The following MYO5A variants were observed in gnomAD, a reference collection of about 807,000 sequenced individuals.
MYO5A encodes the protein myosin VA.
A neutral mutation model predicts 249.7 loss-of-function variants in MYO5A; 98 were observed. That is an observed-to-expected ratio of 0.39 (90% CI 0.33 to 0.46). The LOEUF (loss-of-function observed/expected upper bound fraction) is 0.46. MYO5A is among the 20% of genes least tolerant of loss of function. The pLI is 0.98. For missense variants in MYO5A, 1,696 were observed against 2,308.8 expected (o/e 0.73, Z 5.44); for synonymous variants, 778 against 810.6 (o/e 0.96, Z 0.68).
At position 52,314,198 on chromosome 15, in the gene MYO5A, C is replaced by G; in HGVS notation, c.5415G>C (p.Val1805=). The G allele has an allele frequency of 6.2e-7, 1 of 1,608,626 alleles. No individual in the cohort carries two copies. The highest frequency in any genetic ancestry group is 8.5e-7 in the Non-Finnish European group (1 of 1,175,306). ...CTGGAGTATACAAATTCAACACTTT[C>G]ACAATCTGTGAGAAATGAAATGATC... The part of the protein sequence containing the change: ...MCNALTTAQI[V]KVLNLYTPVN... The change falls in exon 41 of 42, where the codon GTG becomes GTC. Residue 1805 remains valine (V), a synonymous_variant. Coordinates refer to ENST00000399233, the MANE Select transcript of MYO5A (RefSeq NM_001382347.1).
intron 1 of MYO5A, among the ~76,000 whole-genome samples, chr15:52,462,265 CAAA>C (rs71425749): frequency 1.2e-5 from 1 of 83,338 alleles, no homozygotes; most frequent in Non-Finnish European, 2.5e-5. Flanking sequence ...GACTCTGTCT[CAAA>C]AAAAAAAAAA....
intron 11 of MYO5A, among the ~76,000 whole-genome samples, chr15:52,395,909 A>G (rs983195948): frequency 6.6e-6 from 1 of 152,250 alleles, no homozygotes; most frequent in Non-Finnish European, 1.5e-5. Context: ...TGAAAAGAGA[A>G]TATGTAAAAT....
intron 1 of MYO5A, among the ~76,000 whole-genome samples, chr15:52,508,827 C>T (rs2141611234): frequency 6.6e-6 from 1 of 152,246 alleles, no homozygotes; most frequent in African/African-American, 2.4e-5. Flanking sequence ...CCTGAACATA[C>T]ATAAGATCCT....
intron 1 of MYO5A, among the ~76,000 whole-genome samples, chr15:52,440,121 G>C (rs1191520095): frequency 3.3e-5 from 5 of 152,230 alleles, no homozygotes; most frequent in African/African-American, 1.2e-4. Flanking sequence ...CACTAGAAAG[G>C]CACGTTCAAG....
intron 1 of MYO5A, among the ~76,000 whole-genome samples, chr15:52,458,111 T>C (rs1016177075): frequency 6.6e-6 from 1 of 152,230 alleles, no homozygotes; most frequent in African/African-American, 2.4e-5. Flanking sequence ...AGGGTGTATG[T>C]GGCAGTAGAG....
intron 27 of MYO5A, 66 bp downstream of exon 27, chr15:52,353,539 G>C: frequency 7.5e-7 from 1 of 1,340,732 alleles, no homozygotes; most frequent in Non-Finnish European, 1.1e-6. Context: ...GAGAAAAAGA[G>C]AGGCTCTGAA....
chr15:52,392,644 A>T (rs2042294658), intron 11 of MYO5A, among the ~76,000 whole-genome samples: 1 of 152,250 alleles, frequency 6.6e-6, no homozygotes, highest in Non-Finnish European at 1.5e-5. Flanking sequence ...TCTGTTAGCA[A>T]CTGCAACTGC....
At position 52,482,868 on chromosome 15, in the gene MYO5A, C is replaced by T. The variant is rs968198375; in HGVS notation, c.27+45912G>A. Among the ~76,000 whole-genome samples, 6 of 152,172 alleles carry T rather than the reference C, an allele frequency of 3.9e-5. No individual in the cohort carries two copies. The East Asian group carries it at 1.2e-3, about 29-fold the overall frequency. ...CCCTGGACTACCAACCTGCCCGTGG[C>T]TCTTCCAGGTTTCTAAGGTCTCCTG... is the stretch of plus-strand genomic sequence containing the variant. On this transcript the variant is annotated intron_variant, in intron 1 of 41. Coordinates refer to ENST00000399233, the MANE Select transcript of MYO5A (RefSeq NM_001382347.1).
intron 30 of MYO5A, among the ~76,000 whole-genome samples, chr15:52,345,557 C>A (rs919112785): frequency 6.7e-6 from 1 of 149,980 alleles, no homozygotes; most frequent in Non-Finnish European, 1.5e-5. Context: ...TTCACTCCAG[C>A]CTAGGCGAAA....
intron 25 of MYO5A, among the ~76,000 whole-genome samples, chr15:52,357,464 A>AG (rs901290471): frequency 2.0e-5 from 3 of 151,520 alleles, no homozygotes; most frequent in Admixed American, 1.3e-4. Flanking sequence ...AAAAAAAAAA[A>AG]AAAAGAAAAA....
At chr15:52,467,865 G>A (rs903867477) in intron 1 of MYO5A, among the ~76,000 whole-genome samples, 8 of 152,084 alleles carry the variant, frequency 5.3e-5, no homozygotes, top group African/African-American at 1.9e-4. Context: ...AGAATGGGAT[G>A]GCATTTTCAA....
intron 1 of MYO5A, among the ~76,000 whole-genome samples, chr15:52,464,646 G>C (rs551466251): frequency 6.6e-6 from 1 of 152,178 alleles, no homozygotes; most frequent in Non-Finnish European, 1.5e-5. Context: ...AAAGTGCTTA[G>C]CATAGTGTTT....
intron 1 of MYO5A, among the ~76,000 whole-genome samples, chr15:52,478,295 C>T (rs1298157278): frequency 1.3e-5 from 2 of 152,152 alleles, no homozygotes; most frequent in Admixed American, 1.3e-4. Flanking sequence ...ACCCAATTTT[C>T]CAGGTGCCAT....
At chr15:52,511,224 C>G (rs542139989) in intron 1 of MYO5A, among the ~76,000 whole-genome samples, 26 of 152,356 alleles carry the variant, frequency 1.7e-4, no homozygotes, top group Admixed American at 1.6e-3. Flanking sequence ...CTTAAAACCC[C>G]TGGCCAGTTT....
At chr15:52,459,147 ATT>A (rs531798708) in intron 1 of MYO5A, among the ~76,000 whole-genome samples, 24 of 64,286 alleles carry the variant, frequency 3.7e-4, no homozygotes, top group South Asian at 7.6e-4. Flanking sequence ...TTTTCCAGAA[ATT>A]TTTTTTTTTT....
At chr15:52,426,799 T>A (rs2075405203) in intron 3 of MYO5A, among the ~76,000 whole-genome samples, 1 of 152,210 alleles carries the variant, frequency 6.6e-6, no homozygotes, top group South Asian at 2.1e-4. Flanking sequence ...CTTTTCTGTA[T>A]TTCCTAAGAA....
rs1300268480 is a variant in MYO5A at position 52,384,244 on chromosome 15, G to C, written c.1831C>G (p.Pro611Ala). The C allele has an allele frequency of 2.5e-6, 4 of 1,614,060 alleles. No individual in the cohort carries two copies. In the African/African-American group the frequency reaches 5.3e-5, roughly 22 times the overall value. The change falls in exon 15 of 42, where the codon CCC becomes GCC. Residue 611 changes from proline to alanine, a missense_variant. By Grantham distance (27) the Pro-to-Ala change is conservative (BLOSUM62 -1). Around this residue, in one of 5 missense-constraint regions of MYO5A, gnomAD observed 277 missense variants for 422.4 expected, o/e 0.66. Transcript: ENST00000399233. ...PTSATSSGRT[P>A]LTRTPAKPTK... ...GGCTTTGCAGGAGTTCGTGTGAGGGGTGTGCGCCCTGAGGAGGTGGCTGAA... is the reference window on the plus strand; with the variant it reads ...GGCTTTGCAGGAGTTCGTGTGAGGGCTGTGCGCCCTGAGGAGGTGGCTGAA...
chr15:52,375,964 C>T (rs746947534), intron 19 of MYO5A, among the ~76,000 whole-genome samples: 1 of 152,194 alleles, frequency 6.6e-6, no homozygotes, highest in Non-Finnish European at 1.5e-5. Flanking sequence ...AATAAGTAAT[C>T]ACACTAAAGT....
chr15:52,399,579 CT>C (rs901233857), intron 9 of MYO5A, among the ~76,000 whole-genome samples: 2 of 151,548 alleles, frequency 1.3e-5, no homozygotes, highest in African/African-American at 2.4e-5. Flanking sequence ...CTTTTCTAAA[CT>C]TTTTTTTTCA....
Sources: gnomAD v4.1 joint callset for allele counts (sites outside exome capture counted in the v4.1 genomes callset) on GRCh38, gnomAD v4.1.1 for gene constraint, gnomAD v4.1.1 regional missense constraint, MANE v1.5 for transcripts, NCBI Gene and HGNC (gene_info 2026-07-23, HGNC 2026-07-21) for gene names.